PTPRR: variants seen among roughly 807,000 people sequenced by gnomAD.
PTPRR encodes protein tyrosine phosphatase receptor type R.
A neutral mutation model predicts 77.2 loss-of-function variants in PTPRR; 38 were observed. That is an observed-to-expected ratio of 0.49 (90% CI 0.38 to 0.65). The LOEUF (loss-of-function observed/expected upper bound fraction) is 0.65. Among genes scored for constraint, PTPRR ranks in the 30% least tolerant of loss-of-function variants. PTPRR has a pLI of 0.00. For missense variants in PTPRR, 744 were observed against 799.2 expected (o/e 0.93, Z 0.83); for synonymous variants, 299 against 283.1 (o/e 1.06, Z -0.57).
intron 6 of PTPRR, among the ~76,000 whole-genome samples, chr12:70,717,894 A>G (rs1889093405): frequency 6.6e-6 from 1 of 152,222 alleles, no homozygotes; most frequent in Admixed American, 6.5e-5. Context: ...AAGGAAAAAA[A>G]ATAGTATTTG....
chr12:70,765,754 G>A (rs544019172), intron 2 of PTPRR, among the ~76,000 whole-genome samples: 171 of 152,316 alleles, frequency 1.1e-3, no homozygotes, highest in African/African-American at 3.9e-3. Flanking sequence ...CTAACTGGGA[G>A]GCACCCCCCC....
intron 2 of PTPRR, among the ~76,000 whole-genome samples, chr12:70,880,636 T>C (rs532543396): frequency 1.5e-4 from 23 of 152,356 alleles, no homozygotes; most frequent in Middle Eastern, 3.4e-3. Flanking sequence ...TTCCCTATTG[T>C]ATCCCTAGAG....
chr12:70,675,323 A>T (rs1887404246), intron 10 of PTPRR, among the ~76,000 whole-genome samples: 1 of 151,894 alleles, frequency 6.6e-6, no homozygotes, highest in African/African-American at 2.4e-5. Flanking sequence ...CTATCTCCCA[A>T]TTAGGTAAAA....
At chr12:70,874,540 A>G (rs1046054109) in intron 2 of PTPRR, among the ~76,000 whole-genome samples, 2 of 152,210 alleles carry the variant, frequency 1.3e-5, no homozygotes, top group Non-Finnish European at 2.9e-5. Flanking sequence ...TCTGGTAGGG[A>G]TGAATGGTGG....
chr12:70,705,388 T>C (rs1488415689), intron 6 of PTPRR, among the ~76,000 whole-genome samples: 2 of 152,144 alleles, frequency 1.3e-5, no homozygotes, highest in Non-Finnish European at 2.9e-5. Context: ...CTAAAATTTC[T>C]AGTATCATGT....
At chr12:70,778,147 C>A (rs1891129422) in intron 2 of PTPRR, among the ~76,000 whole-genome samples, 1 of 152,124 alleles carries the variant, frequency 6.6e-6, no homozygotes, top group Non-Finnish European at 1.5e-5. Context: ...ATTTGTGGTG[C>A]TTTTAACAAT....
chr12:70,916,395 A>G (rs895061594), intron 1 of PTPRR, among the ~76,000 whole-genome samples: 1 of 152,204 alleles, frequency 6.6e-6, no homozygotes, highest in African/African-American at 2.4e-5. Flanking sequence ...GAGAGACTCT[A>G]GACCATTGTA....
chr12:70,702,896 G>A (rs1888482690), intron 6 of PTPRR, among the ~76,000 whole-genome samples: 1 of 152,028 alleles, frequency 6.6e-6, no homozygotes. Flanking sequence ...ATATTTCACA[G>A]ATGTTTTGCT....
chr12:70,801,742 AATCT>A (rs150514515), intron 2 of PTPRR, among the ~76,000 whole-genome samples: 7 of 151,568 alleles, frequency 4.6e-5, no homozygotes, highest in Admixed American at 6.6e-5. Context: ...CCTTATAATA[AATCT>A]ATCTATCTAT....
intron 10 of PTPRR, among the ~76,000 whole-genome samples, chr12:70,666,941 T>G (rs1379516848): frequency 1.0e-3 from 51 of 50,734 alleles, no homozygotes; most frequent in African/African-American, 6.4e-3. Flanking sequence ...TTCTGTTTTT[T>G]TTTTTTTTTT....
intron 10 of PTPRR, chr12:70,671,924 G>C: frequency 1.1e-6 from 1 of 932,986 alleles, no homozygotes; most frequent in South Asian, 1.5e-5. Flanking sequence ...TCTGATGCTG[G>C]TCTCTGGTAG....
At chr12:70,813,355 C>A (rs117212713) in intron 2 of PTPRR, among the ~76,000 whole-genome samples, 140 of 152,290 alleles carry the variant, frequency 9.2e-4, no homozygotes, top group Non-Finnish European at 1.6e-3. Flanking sequence ...CTTTGGGAAG[C>A]CTTCCAAAAA....
At chr12:70,836,616 TTGAAAG>T (rs1892309272) in intron 2 of PTPRR, among the ~76,000 whole-genome samples, 1 of 152,006 alleles carries the variant, frequency 6.6e-6, no homozygotes, top group South Asian at 2.1e-4. Flanking sequence ...CACACTGACC[TTGAAAG>T]TGCATGCTCC....
intron 1 of PTPRR, among the ~76,000 whole-genome samples, chr12:70,899,676 T>G (rs1273972509): frequency 6.6e-6 from 1 of 151,308 alleles, no homozygotes; most frequent in East Asian, 1.9e-4. Flanking sequence ...CCCATACCAT[T>G]CCTATATAAC....
At chr12:70,792,820 G>A (rs1456167346) in intron 2 of PTPRR, among the ~76,000 whole-genome samples, 2 of 152,086 alleles carry the variant, frequency 1.3e-5, no homozygotes, top group East Asian at 3.9e-4. Context: ...GATCTACTTT[G>A]AGGCACTAAG....
chr12:70,795,798 G>A (rs1034879079), intron 2 of PTPRR, among the ~76,000 whole-genome samples: 2 of 151,574 alleles, frequency 1.3e-5, no homozygotes, highest in African/African-American at 2.4e-5. Context: ...CATACTTTAC[G>A]GTGTTGATTT....
intron 2 of PTPRR, among the ~76,000 whole-genome samples, chr12:70,873,663 C>T (rs1017942564): frequency 3.9e-5 from 6 of 152,060 alleles, no homozygotes; most frequent in African/African-American, 1.4e-4. Flanking sequence ...CAGGACCACA[C>T]TTACCATGTG....
intron 1 of PTPRR, among the ~76,000 whole-genome samples, chr12:70,899,931 G>C (rs2137125115): frequency 6.6e-6 from 1 of 151,370 alleles, no homozygotes; most frequent in East Asian, 1.9e-4. Context: ...AAAACAAACT[G>C]ACCCAAAAAT....
chr12:70,720,550 C>T (rs1376000084), intron 6 of PTPRR, among the ~76,000 whole-genome samples: 12 of 144,676 alleles, frequency 8.3e-5, no homozygotes, highest in African/African-American at 2.6e-4. Context: ...CTTGCTCTGT[C>T]GCCCAGGCTG....
Sources: gnomAD v4.1 joint callset for allele counts (sites outside exome capture counted in the v4.1 genomes callset) on GRCh38, gnomAD v4.1.1 for gene constraint, MANE v1.5 for transcripts, NCBI Gene and HGNC (gene_info 2026-07-23, HGNC 2026-07-21) for gene names.